The following MPHOSPH9 variants were observed in gnomAD, a reference collection of about 807,000 sequenced individuals.
The protein encoded by MPHOSPH9 is M-phase phosphoprotein 9.
In MPHOSPH9, 88 loss-of-function variants were observed where a neutral mutation model predicts 145.5. The ratio of observed to expected loss-of-function variants is 0.60; its 90% CI spans 0.51 to 0.72. The LOEUF (loss-of-function observed/expected upper bound fraction) is 0.72. Among genes scored for constraint, MPHOSPH9 ranks in the 30% least tolerant of loss-of-function variants. The pLI is 0.00. For synonymous variants in MPHOSPH9, 435 were observed against 486.2 expected, an observed-to-expected ratio of 0.89 and a Z score of 1.39; for missense variants, 1,238 against 1,386.6, an observed-to-expected ratio of 0.89 and a Z score of 1.70.
chr12:123,182,046 T>G (rs2045183529), intron 13 of MPHOSPH9, among the ~76,000 whole-genome samples: 1 of 151,302 alleles, frequency 6.6e-6, no homozygotes, highest in South Asian at 2.1e-4. Context: ...GTTCAAGCAA[T>G]TCTCCTGCCT....
chr12:123,203,429 T>C (rs2046304116), intron 8 of MPHOSPH9, 54 bp from the exon 9 acceptor site: 2 of 1,456,090 alleles, frequency 1.4e-6, no homozygotes, highest in Non-Finnish European at 1.9e-6. Context: ...AACAAATTAA[T>C]GATATCAAAA....
intron 23 of MPHOSPH9, among the ~76,000 whole-genome samples, chr12:123,157,644 C>T (rs2043927312): frequency 6.6e-6 from 1 of 151,912 alleles, no homozygotes; most frequent in Non-Finnish European, 1.5e-5. Context: ...CCACACCTGG[C>T]TGATTTTAAA....
intron 6 of MPHOSPH9, among the ~76,000 whole-genome samples, chr12:123,217,151 AACATTTAATCTCT>A (rs1449134190): frequency 1.3e-5 from 2 of 152,146 alleles, no homozygotes; most frequent in African/African-American, 4.8e-5. Context: ...ACAGAATTTC[AACATTTAATCTCT>A]CACAATTTGG....
rs1270110099 is a variant in MPHOSPH9 at position 123,159,077 on chromosome 12, G to A, written c.3450+1704C>T. Among the ~76,000 whole-genome samples, 4 of 152,176 alleles carry A rather than the reference G, an allele frequency of 2.6e-5. No individual in the cohort carries two copies. Among genetic ancestry groups the A allele is most frequent in the Non-Finnish European group, 4.4e-5 (3 of 68,022 alleles). On this transcript the variant is annotated intron_variant, in intron 23 of 23. Coordinates refer to ENST00000606320, the MANE Select transcript of MPHOSPH9 (RefSeq NM_022782.4). The surrounding 1 kb of genome is among the most constrained non-coding windows in gnomAD (Gnocchi z 4.3). ...CTGCGCTCCAGCCTGGTGACACAGC[G>A]AGACTCCGTCTCCAAACTAGATAAA...
intron 13 of MPHOSPH9, 41 bp downstream of exon 13, chr12:123,194,345 T>C: frequency 8.2e-7 from 1 of 1,221,460 alleles, no homozygotes; most frequent in Non-Finnish European, 1.2e-6. Context: ...AAATTACTTT[T>C]AGCCAATCAC....
At chr12:123,161,481 A>G in intron 21 of MPHOSPH9, 98 bp from the exon 22 acceptor site, 1 of 1,332,900 alleles carries the variant, frequency 7.5e-7, no homozygotes, top group Non-Finnish European at 1.0e-6. Context: ...TTCTGGATAT[A>G]GCTGCTATGT....
chr12:123,208,119 G>A lies in MPHOSPH9; in HGVS notation c.1194+1937C>T, dbSNP rs568952556. Reference sequence around the variant, plus strand: ...CATAATCCCAGCTACTCAGGAGGCTGAGGCAGGAGAATCACTTGAACCTGG... The same window carrying A: ...CATAATCCCAGCTACTCAGGAGGCTAAGGCAGGAGAATCACTTGAACCTGG... On this transcript the variant is annotated intron_variant, in intron 8 of 23. Coordinates refer to ENST00000606320, the MANE Select transcript of MPHOSPH9 (RefSeq NM_022782.4). Among the ~76,000 whole-genome samples the A allele has an allele frequency of 6.1e-5, 9 of 147,254 alleles. No individual in the cohort carries two copies. The South Asian group carries it at 1.9e-3, about 32-fold the overall frequency.
intron 20 of MPHOSPH9, 43 bp from the exon 21 acceptor site, chr12:123,162,261 CT>C: frequency 9.1e-7 from 1 of 1,097,176 alleles, no homozygotes; most frequent in Non-Finnish European, 1.3e-6. Flanking sequence ...AAAATGTTAA[CT>C]GATTTTCCCT....
chr12:123,206,227 T>C (rs1442231450), intron 8 of MPHOSPH9, among the ~76,000 whole-genome samples: 3 of 151,472 alleles, frequency 2.0e-5, no homozygotes, highest in African/African-American at 4.9e-5. Flanking sequence ...GGCAGGAGGA[T>C]TGCTTGAGTC....
At chr12:123,224,110 T>A (rs1393297386) in intron 3 of MPHOSPH9, among the ~76,000 whole-genome samples, 11 of 120,412 alleles carry the variant, frequency 9.1e-5, no homozygotes, top group African/African-American at 3.2e-4. Flanking sequence ...AATTGCTAAT[T>A]TATATATATA....
chr12:123,202,985 A>G lies in MPHOSPH9; in HGVS notation c.1420T>C (p.Phe474Leu). 6.2e-7 allele frequency: 1 copy of G among 1,614,206 alleles called. No individual in the cohort carries two copies. The highest frequency in any genetic ancestry group is 8.5e-7 in the Non-Finnish European group (1 of 1,180,040). Residue 474 changes from phenylalanine (F) to leucine (L), a missense_variant, in exon 10 of 24, where the codon TTT (phenylalanine) becomes CTT (leucine). Phe to Leu is a conservative substitution (Grantham distance 22, BLOSUM62 0). Coordinates refer to ENST00000606320, the MANE Select transcript of MPHOSPH9 (RefSeq NM_022782.4). ...LPNALDDRIS[F>L]SPDSVLEPSM... ...GGCTCTAGAACAGAGTCCGGGGAAA[A>G]GGATATTCTGTCATCAAGGGCATTC... is the stretch of plus-strand genomic sequence containing the variant.
At chr12:123,179,785 A>G (rs916366419) in intron 15 of MPHOSPH9, 141 bp downstream of exon 15, 2 of 440,760 alleles carry the variant, frequency 4.5e-6, no homozygotes, top group Non-Finnish European at 8.1e-6. Flanking sequence ...ACCTATTTCC[A>G]TGTCAAGGGA....
chr12:123,156,689 T>C lies in MPHOSPH9; in HGVS notation c.*118A>G. The C allele has an allele frequency of 1.6e-6, 1 of 607,156 alleles. No homozygotes were observed. Among genetic ancestry groups the C allele is most frequent in the Non-Finnish European group, 2.7e-6 (1 of 372,962 alleles). The allele number at this position is 607,156 out of a possible 1,614,324, so 37.6% of individuals were successfully genotyped here. A position where few individuals can be genotyped will look rare whatever the true frequency, so the allele number is the denominator to read the frequency against. ...TAAAATAGCAAGTGTAAGAATAGCA[T>C]GATTGTAAAACTACTGTTTGAAGGC... On this transcript the variant is annotated 3_prime_UTR_variant, in exon 24 of 24. Transcript: ENST00000606320.
chr12:123,225,269 C>T (rs532684991), intron 3 of MPHOSPH9, among the ~76,000 whole-genome samples: 7,030 of 151,278 alleles, frequency 0.046, 310 homozygotes, highest in East Asian at 0.27. Context: ...CATAGCAAAA[C>T]CTTGTCTCAA....
At chr12:123,236,106 A>T (rs2047846719), upstream of MPHOSPH9, among the ~76,000 whole-genome samples, 1 of 152,116 alleles carries the variant, frequency 6.6e-6, no homozygotes, top group Non-Finnish European at 1.5e-5. Flanking sequence ...AAAGTTAAGG[A>T]AAAGGAGCTA....
chr12:123,242,630 C>G (rs1364912839), intron 1 of MPHOSPH9, among the ~76,000 whole-genome samples: 2 of 152,198 alleles, frequency 1.3e-5, no homozygotes, highest in Admixed American at 1.3e-4. Context: ...CAGCCAGTAA[C>G]TGAACACCGG....
intron 8 of MPHOSPH9, 60 bp from the exon 9 acceptor site, chr12:123,203,435 C>A: frequency 1.4e-6 from 2 of 1,404,658 alleles, no homozygotes; most frequent in Non-Finnish European, 9.7e-7. Context: ...TTAATGATAT[C>A]AAAATAAGCA....
rs190340197 is a variant in MPHOSPH9 at position 123,177,906 on chromosome 12, T to C, written c.2355-1117A>G. On this transcript the variant is annotated intron_variant, in intron 15 of 23. Transcript: ENST00000606320. Reference sequence around the variant, plus strand: ...TTTTAAAAAGAGGCCAAGGCTAAAATATTGCAAACAACCTATAGGTATTTC... The same window carrying C: ...TTTTAAAAAGAGGCCAAGGCTAAAACATTGCAAACAACCTATAGGTATTTC... Among the ~76,000 whole-genome samples the C allele has an allele frequency of 8.7e-4, 131 of 151,328 alleles. 3 individuals carry two copies. The highest frequency in any genetic ancestry group is 4.4e-5 in the Non-Finnish European group (3 of 67,898).
rs1182964294 is a variant in MPHOSPH9, at chr12:123,208,782, C to T, written c.1194+1274G>A. Among the ~76,000 whole-genome samples, 4 of 151,916 alleles carry T rather than the reference C, an allele frequency of 2.6e-5. No homozygotes were observed. The East Asian group carries it at 7.7e-4, about 29-fold the overall frequency. On this transcript the variant is annotated intron_variant, in intron 8 of 23. Transcript: ENST00000606320. ...TTTGAGACAGGGTCTCACTCTGTCACACAGGCTAGAGTGCAATGGTGTGAC... is the reference window on the plus strand; with the variant it reads ...TTTGAGACAGGGTCTCACTCTGTCATACAGGCTAGAGTGCAATGGTGTGAC...
Sources: gnomAD v4.1 joint callset for allele counts (sites outside exome capture counted in the v4.1 genomes callset) on GRCh38, gnomAD v4.1.1 for gene constraint, Gnocchi (gnomAD v3.1) non-coding constraint, MANE v1.5 for transcripts, NCBI Gene and HGNC (gene_info 2026-07-23, HGNC 2026-07-21) for gene names.